The following GRAMD2B variants were observed in gnomAD, a reference collection of about 807,000 sequenced individuals.
The protein encoded by GRAMD2B is GRAM domain containing 2B, also known as GRAM domain-containing protein 2B.
GRAMD2B carries 41 observed loss-of-function variants against 59.2 expected under a neutral mutation model. The ratio of observed to expected loss-of-function variants is 0.69; its 90% CI spans 0.54 to 0.90. The LOEUF (loss-of-function observed/expected upper bound fraction) is 0.90. Ranked by LOEUF, GRAMD2B falls within the 40% of genes least tolerant of loss-of-function variation. GRAMD2B has a pLI of 0.00. For synonymous variants in GRAMD2B, 161 were observed against 182.7 expected (o/e 0.88, Z 0.96); for missense variants, 424 against 500.5 (o/e 0.85, Z 1.46).
intron 1 of GRAMD2B, among the ~76,000 whole-genome samples, chr5:126,384,398 T>A (rs770619573): frequency 6.6e-6 from 1 of 152,218 alleles, no homozygotes; most frequent in African/African-American, 2.4e-5. Context: ...ACATTTCCAA[T>A]GCTTAGTGCA....
chr5:126,404,574 A>G (rs547191725), intron 1 of GRAMD2B, among the ~76,000 whole-genome samples: 89 of 152,080 alleles, frequency 5.9e-4, no homozygotes, highest in African/African-American at 2.0e-3. Flanking sequence ...GAAATCAACA[A>G]TCAGGATCCT....
chr5:126,415,478 C>CA (rs1236307443), intron 1 of GRAMD2B, among the ~76,000 whole-genome samples: 6 of 149,812 alleles, frequency 4.0e-5, no homozygotes, highest in East Asian at 3.9e-4. Flanking sequence ...AAAAGGCATG[C>CA]AAAAAAAATG....
intron 1 of GRAMD2B, among the ~76,000 whole-genome samples, chr5:126,452,009 G>A (rs1765466373): frequency 6.6e-6 from 1 of 152,120 alleles, no homozygotes; most frequent in Admixed American, 6.5e-5. Flanking sequence ...ACCAGAAGCA[G>A]ATGCCGGCAC....
chr5:126,414,163 G>A (rs977332873), intron 1 of GRAMD2B, among the ~76,000 whole-genome samples: 2 of 152,148 alleles, frequency 1.3e-5, no homozygotes, highest in African/African-American at 4.8e-5. Context: ...CAGGAATCAA[G>A]ACTATTCCCA....
At chr5:126,365,401 C>G (rs1561451288) in intron 1 of GRAMD2B, among the ~76,000 whole-genome samples, 1 of 152,172 alleles carries the variant, frequency 6.6e-6, no homozygotes, top group African/African-American at 2.4e-5. Context: ...TAAAATCAAA[C>G]AAAGGCAGAA....
At chr5:126,391,319 CAAAAAAA>C (rs61181985) in intron 1 of GRAMD2B, among the ~76,000 whole-genome samples, 17 of 76,350 alleles carry the variant, frequency 2.2e-4, no homozygotes, top group African/African-American at 6.7e-4. Context: ...GACTCCATCT[CAAAAAAA>C]AAAAAAAAAA....
At chr5:126,447,642 C>A (rs565494746) in intron 1 of GRAMD2B, among the ~76,000 whole-genome samples, 7 of 142,692 alleles carry the variant, frequency 4.9e-5, no homozygotes, top group African/African-American at 1.1e-4. Flanking sequence ...CCAGCCTGGG[C>A]GACAGAGCAA....
At chr5:126,481,182 A>T (rs1771663670) in intron 8 of GRAMD2B, among the ~76,000 whole-genome samples, 1 of 144,766 alleles carries the variant, frequency 6.9e-6, no homozygotes, top group African/African-American at 2.6e-5. Context: ...ATATGCTCAG[A>T]ATTAACTGTA....
At chr5:126,491,795 G>A (rs778761176) in intron 13 of GRAMD2B, among the ~76,000 whole-genome samples, 5 of 151,422 alleles carry the variant, frequency 3.3e-5, no homozygotes, top group Non-Finnish European at 7.4e-5. Flanking sequence ...GTGCAGTGCC[G>A]CAATCTTGGC....
intron 1 of GRAMD2B, chr5:126,433,559 T>C (rs186274517): frequency 2.0e-5 from 3 of 152,352 alleles, no homozygotes; most frequent in Admixed American, 6.5e-5. Context: ...AAGACAAGAT[T>C]AGCTGTCAAT....
At chr5:126,399,747 G>A (rs1429194880) in intron 1 of GRAMD2B, among the ~76,000 whole-genome samples, 6 of 152,048 alleles carry the variant, frequency 3.9e-5, no homozygotes, top group Admixed American at 6.6e-5. Flanking sequence ...TCTTTCACTC[G>A]AGACAGTTTT....
chr5:126,363,896 A>G (rs1754328138), intron 1 of GRAMD2B, among the ~76,000 whole-genome samples: 2 of 152,152 alleles, frequency 1.3e-5, no homozygotes, highest in Admixed American at 1.3e-4. Flanking sequence ...CTAAAATTAG[A>G]TGGTGGTGAT....
chr5:126,418,707 T>A (rs986942349), upstream of GRAMD2B, among the ~76,000 whole-genome samples: 2 of 152,234 alleles, frequency 1.3e-5, no homozygotes, highest in African/African-American at 4.8e-5. Context: ...TTCTTCATAT[T>A]GACATAAATC....
intron 1 of GRAMD2B, among the ~76,000 whole-genome samples, chr5:126,450,520 T>C (rs1454692251): frequency 1.3e-5 from 2 of 152,126 alleles, no homozygotes; most frequent in Non-Finnish European, 2.9e-5. Flanking sequence ...TGAAGTTTAC[T>C]AGCAATGCCT....
rs73332430 is a variant in GRAMD2B, at chr5:126,379,013, A to C, written c.125+7446A>C. On this transcript the variant is annotated intron_variant, in intron 1 of 8. Transcript: ENST00000506445. ...ATTTTGGTGCACCCATCACCCAAGT[A>C]GTGTGCACTGTACCCAATGTGTAGT... Among the ~76,000 whole-genome samples the C allele has an allele frequency of 3.9e-3, 598 of 152,202 alleles. 2 individuals carry two copies. The highest frequency in any genetic ancestry group is 0.013 in the African/African-American group (556 of 41,534).
rs1224189682 is a variant in GRAMD2B, at chr5:126,489,375, GT to G, written c.1257+486del. On this transcript the variant is annotated intron_variant, in intron 13 of 13. Transcript: ENST00000285689. ...CTATCTGATAGGGGAAGAATCAAGAGTTTCAAATTAGCTTGCTGAAGGTGAC... is the reference window on the plus strand; with the variant it reads ...CTATCTGATAGGGGAAGAATCAAGAGTTCAAATTAGCTTGCTGAAGGTGAC... Among the ~76,000 whole-genome samples, 7 of 152,334 alleles carry G rather than the reference GT, an allele frequency of 4.6e-5. No homozygotes were observed. The East Asian group carries it at 1.4e-3, about 29-fold the overall frequency.
At chr5:126,458,468 C>A (rs1354796908) in intron 1 of GRAMD2B, among the ~76,000 whole-genome samples, 1 of 151,492 alleles carries the variant, frequency 6.6e-6, no homozygotes. Context: ...GAATGAGGGG[C>A]TAGAGAAAAA....
intron 3 of GRAMD2B, 61 bp downstream of exon 3, chr5:126,469,849 C>A: frequency 1.7e-6 from 2 of 1,174,110 alleles, no homozygotes; most frequent in Non-Finnish European, 2.5e-6. Flanking sequence ...AAGCCAGTGA[C>A]AAGAAGGAAC....
At chr5:126,428,852 G>C (rs2149794697) in intron 1 of GRAMD2B, among the ~76,000 whole-genome samples, 1 of 152,260 alleles carries the variant, frequency 6.6e-6, no homozygotes, top group Non-Finnish European at 1.5e-5. Context: ...TCTCACACCA[G>C]TCAGGATGGC....
Sources: allele counts gnomAD v4.1 joint callset (sites outside exome capture counted in the v4.1 genomes callset), GRCh38; gene constraint gnomAD v4.1.1; transcripts MANE v1.5; gene names NCBI Gene and HGNC (gene_info 2026-07-23, HGNC 2026-07-21).